Variants in PFDN1 observed in about 807,000 individuals in gnomAD.
PFDN1 encodes prefoldin 1.
Under a neutral mutation model 17.3 loss-of-function variants are expected in PFDN1, and 6 were observed. The observed-to-expected ratio is 0.35, with a 90% CI of 0.19 to 0.69. The LOEUF (loss-of-function observed/expected upper bound fraction) is 0.69. Ranked by LOEUF, PFDN1 falls within the 30% of genes least tolerant of loss-of-function variation. PFDN1 has a pLI of 0.65. For missense variants in PFDN1, 113 were observed against 146.2 expected (o/e 0.77, Z 1.17); for synonymous variants, 58 against 50.1 (o/e 1.16, Z -0.67).
intron 3 of PFDN1, among the ~76,000 whole-genome samples, chr5:140,269,224 G>A (rs1313416484): frequency 1.3e-5 from 2 of 152,088 alleles, no homozygotes; most frequent in Admixed American, 6.5e-5. Context: ...TGTTGCCCAG[G>A]CTGGTCTCGA....
intron 2 of PFDN1, among the ~76,000 whole-genome samples, chr5:140,288,744 G>A (rs1049586751): frequency 6.6e-6 from 1 of 152,172 alleles, no homozygotes; most frequent in African/African-American, 2.4e-5. Context: ...CAGCACTTGG[G>A]GAGGCCAAGG....
rs1765585248 is a variant in PFDN1, at chr5:140,291,711, A to G, written c.200+8705T>C. The stretch of plus-strand genomic sequence containing the variant: ...AAAATCCAAGGGCTAAGGACAAAGT[A>G]AATTTAATATTTACAAATGCAAAAG... On this transcript the variant is annotated intron_variant, in intron 2 of 3. Transcript: ENST00000261813. Among the ~76,000 whole-genome samples the G allele has an allele frequency of 2.0e-5, 3 of 152,230 alleles. No homozygotes were observed. In the South Asian group the frequency reaches 6.2e-4, roughly 32 times the overall value.
chr5:140,272,589 A>T (rs560577795), intron 3 of PFDN1, among the ~76,000 whole-genome samples: 26 of 149,586 alleles, frequency 1.7e-4, no homozygotes, highest in Non-Finnish European at 3.3e-4. Context: ...TGAACTCCTG[A>T]CCTCATGATC....
At chr5:140,269,264 C>CAA (rs1476229590) in intron 3 of PFDN1, among the ~76,000 whole-genome samples, 1 of 151,530 alleles carries the variant, frequency 6.6e-6, no homozygotes, top group Non-Finnish European at 1.5e-5. Flanking sequence ...CTGCCTGCCT[C>CAA]AGACTCCCAA....
chr5:140,250,322 G>A (rs1764894887), intron 3 of PFDN1, among the ~76,000 whole-genome samples: 1 of 152,172 alleles, frequency 6.6e-6, no homozygotes, highest in African/African-American at 2.4e-5. Context: ...CAATCCACCA[G>A]GTATGTTCCT....
At chr5:140,267,071 G>A (rs571460617) in intron 3 of PFDN1, among the ~76,000 whole-genome samples, 9 of 151,430 alleles carry the variant, frequency 5.9e-5, no homozygotes, top group African/African-American at 2.2e-4. Flanking sequence ...GCTGCGGTGC[G>A]GGTTACAGTT....
chr5:140,261,965 C>G (rs1203926023), intron 3 of PFDN1, among the ~76,000 whole-genome samples: 3 of 152,000 alleles, frequency 2.0e-5, no homozygotes, highest in Non-Finnish European at 4.4e-5. Context: ...CCACTTGTCC[C>G]CAACTCCACA....
rs1240077919 is a variant in PFDN1 at position 140,292,509 on chromosome 5, TAC to T, written c.200+7905_200+7906del. 2.6e-5 allele frequency among the ~76,000 whole-genome samples: 4 copies of T among 152,284 alleles called. No homozygotes were observed. The East Asian group carries it at 7.7e-4, about 29-fold the overall frequency. On this transcript the variant is annotated intron_variant, in intron 2 of 3. Coordinates refer to ENST00000261813, the MANE Select transcript of PFDN1 (RefSeq NM_002622.5). ...TATCTATTTAAAGATACATTTTTGA[TAC>T]TAGACTCCTGTTGCTGTACCAATTT...
chr5:140,293,242 C>G (rs1277303989), intron 2 of PFDN1: 1 of 151,412 alleles, frequency 6.6e-6, no homozygotes, highest in Non-Finnish European at 1.5e-5. Flanking sequence ...CTGGAAAACA[C>G]TGTAGTATCC....
At chr5:140,290,797 T>C (rs1278767260) in intron 2 of PFDN1, among the ~76,000 whole-genome samples, 1 of 152,196 alleles carries the variant, frequency 6.6e-6, no homozygotes, top group African/African-American at 2.4e-5. Context: ...TGCATTTTAT[T>C]CTATATAAGT....
intron 2 of PFDN1, chr5:140,292,955 G>C (rs114514680): frequency 6.6e-6 from 1 of 152,168 alleles, no homozygotes; most frequent in African/African-American, 2.4e-5. Flanking sequence ...AGCAGATTAT[G>C]TTCCTTGACA....
At chr5:140,281,636 C>T in intron 2 of PFDN1, 103 bp from the exon 3 acceptor site, 1 of 685,882 alleles carries the variant, frequency 1.5e-6, no homozygotes, top group Non-Finnish European at 2.6e-6. Context: ...ATTAAAAGGA[C>T]AAATGCATAT....
intron 3 of PFDN1, 142 bp from the exon 4 acceptor site, chr5:140,246,199 C>T (rs73793727): frequency 3.5e-4 from 231 of 652,898 alleles, no homozygotes; most frequent in African/African-American, 3.4e-3. Context: ...GTACACACAC[C>T]TGCCCACAGT....
chr5:140,258,290 G>A (rs1452207495), intron 3 of PFDN1, among the ~76,000 whole-genome samples: 2 of 152,064 alleles, frequency 1.3e-5, no homozygotes, highest in African/African-American at 4.8e-5. Flanking sequence ...GGTAACAGAT[G>A]TGCCCAGGAT....
At chr5:140,284,965 G>C (rs1311054280) in intron 2 of PFDN1, among the ~76,000 whole-genome samples, 1 of 152,154 alleles carries the variant, frequency 6.6e-6, no homozygotes, top group Non-Finnish European at 1.5e-5. Context: ...AAATCATCCT[G>C]CAGTTTGGTA....
rs777806117 is a variant in PFDN1 at position 140,266,153 on chromosome 5, G to A, written c.285+15296C>T. On this transcript the variant is annotated intron_variant, in intron 3 of 3. Coordinates refer to ENST00000261813, the MANE Select transcript of PFDN1 (RefSeq NM_002622.5). Reference sequence around the variant, plus strand: ...GGAAGGAAGAGGAAGAAGACAGGGAGGATTTGGGCCTTAATCACAGGCCCA... The same window carrying A: ...GGAAGGAAGAGGAAGAAGACAGGGAAGATTTGGGCCTTAATCACAGGCCCA... Among the ~76,000 whole-genome samples the A allele has an allele frequency of 9.7e-4, 148 of 152,182 alleles. 4 individuals are homozygous for A. The highest frequency in any genetic ancestry group is 4.6e-4 in the Admixed American group (7 of 15,276).
intron 3 of PFDN1, among the ~76,000 whole-genome samples, chr5:140,279,449 G>A (rs1424546575): frequency 1.3e-5 from 2 of 151,512 alleles, no homozygotes; most frequent in African/African-American, 2.4e-5. Context: ...CAGCAGTACG[G>A]TATTGATAAA....
chr5:140,296,570 T>C (rs1033273884), intron 2 of PFDN1, among the ~76,000 whole-genome samples: 2 of 152,134 alleles, frequency 1.3e-5, no homozygotes, highest in African/African-American at 4.8e-5. Flanking sequence ...AGGATAAGAA[T>C]TTCACAAGGA....
Position 140,245,375 on chromosome 5 carries a change from T to G in PFDN1, c.*599A>C, listed in dbSNP as rs1335420354. ...CAGGGAAAGGAATCTTTAGGCAGAC[T>G]GCCATCCAGGGACTGCTATTCTGTT... On this transcript the variant is annotated 3_prime_UTR_variant, in exon 4 of 4. Transcript: ENST00000261813. 1 of 683,784 alleles carries G rather than the reference T, an allele frequency of 1.5e-6. No homozygotes were observed. Among genetic ancestry groups the G allele is most frequent in the East Asian group, 2.7e-5 (1 of 37,032 alleles). The allele number at this position is 683,784 out of a possible 1,614,324, so 42.4% of individuals were successfully genotyped here.
Sources: allele counts gnomAD v4.1 joint callset (sites outside exome capture counted in the v4.1 genomes callset), GRCh38; gene constraint gnomAD v4.1.1; transcripts MANE v1.5; gene names NCBI Gene and HGNC (gene_info 2026-07-23, HGNC 2026-07-21).